The following NCOA2 variants were observed in gnomAD, a reference collection of about 807,000 sequenced individuals.
NCOA2 encodes nuclear receptor coactivator 2, also known as class E basic helix-loop-helix protein 75.
Under a neutral mutation model 145.1 loss-of-function variants are expected in NCOA2, and 21 were observed. The ratio of observed to expected loss-of-function variants is 0.14; its 90% CI spans 0.10 to 0.21. NCOA2 has a LOEUF of 0.21. Among genes scored for constraint, NCOA2 ranks in the 10% least tolerant of loss-of-function variants. The pLI is 1.00. For synonymous variants in NCOA2, 619 were observed against 637.5 expected (o/e 0.97, Z 0.44); for missense variants, 1,472 against 1,837.6 (o/e 0.80, Z 3.64).
intron 1 of NCOA2, among the ~76,000 whole-genome samples, chr8:70,402,742 G>A (rs1234546422): frequency 1.3e-5 from 2 of 151,888 alleles, no homozygotes; most frequent in African/African-American, 4.8e-5. Context: ...AGGGGGCGCT[G>A]GCGAGCCAAC....
At chr8:70,252,069 T>C (rs554343450) in intron 2 of NCOA2, among the ~76,000 whole-genome samples, 1 of 152,362 alleles carries the variant, frequency 6.6e-6, no homozygotes, top group East Asian at 1.9e-4. Flanking sequence ...AATTGTTATA[T>C]TGTGTTTTTA....
chr8:70,121,445 C>A, intron 21 of NCOA2, 54 bp from the exon 22 acceptor site: 1 of 1,417,056 alleles, frequency 7.1e-7, no homozygotes, highest in Non-Finnish European at 9.9e-7. Context: ...TCCAAGAGTG[C>A]ACTGGAAAAC....
chr8:70,170,867 C>G (rs1026118629), intron 5 of NCOA2, among the ~76,000 whole-genome samples: 1 of 152,124 alleles, frequency 6.6e-6, no homozygotes, highest in African/African-American at 2.4e-5. Flanking sequence ...TGAATTTTAC[C>G]ACCTAGCTGT....
At chr8:70,159,244 T>TATATATATATATATATATATATATATATA in intron 10 of NCOA2, among the ~76,000 whole-genome samples, 101 of 69,268 alleles carry the variant, frequency 1.5e-3, no homozygotes, top group Middle Eastern at 7.7e-3. Flanking sequence ...ATATATATAT[T>TATATATATATATATATATATATATATATA]TTTTTTTTTT....
intron 1 of NCOA2, among the ~76,000 whole-genome samples, chr8:70,297,022 T>A (rs574562535): frequency 1.3e-5 from 2 of 152,360 alleles, no homozygotes; most frequent in African/African-American, 4.8e-5. Context: ...GTAAAATATA[T>A]AAGGCTGCAT....
intron 4 of NCOA2, among the ~76,000 whole-genome samples, chr8:70,177,215 T>C (rs970636699): frequency 4.6e-5 from 7 of 152,190 alleles, no homozygotes; most frequent in African/African-American, 1.7e-4. Flanking sequence ...TCTATCAGAA[T>C]GTGCAGTGGG....
intron 9 of NCOA2, among the ~76,000 whole-genome samples, chr8:70,160,714 T>A (rs1053986977): frequency 2.1e-5 from 2 of 93,590 alleles, no homozygotes; most frequent in African/African-American, 8.2e-5. Flanking sequence ...TGACATATAA[T>A]GTGGATTCTA....
In NCOA2 at chr8:70,385,500, C is replaced by T. The variant is rs1010990047; in HGVS notation, c.-77+18200G>A. On this transcript the variant is annotated intron_variant, in intron 1 of 22. Coordinates refer to ENST00000452400, the MANE Select transcript of NCOA2 (RefSeq NM_006540.4). ...CTAGAGTGCAGTGGTGTCATCATAG[C>T]TCACTGCAGCCACAACTCCTGGCTC... Among the ~76,000 whole-genome samples the T allele has an allele frequency of 3.9e-5, 6 of 152,284 alleles. No individual in the cohort carries two copies. In the South Asian group the frequency reaches 1.2e-3, roughly 32 times the overall value.
chr8:70,353,500 G>A (rs946221162), intron 1 of NCOA2, among the ~76,000 whole-genome samples: 5 of 147,962 alleles, frequency 3.4e-5, no homozygotes, highest in African/African-American at 1.3e-4. Flanking sequence ...TGGAAAGACA[G>A]AAGAGACCTT....
At chr8:70,162,341 A>AG (rs1813121343) in intron 9 of NCOA2, among the ~76,000 whole-genome samples, 1 of 152,180 alleles carries the variant, frequency 6.6e-6, no homozygotes, top group African/African-American at 2.4e-5. Context: ...TACCTTCACC[A>AG]GGGGTTCACT....
At chr8:70,302,106 C>T (rs1173753041) in intron 1 of NCOA2, among the ~76,000 whole-genome samples, 4 of 151,952 alleles carry the variant, frequency 2.6e-5, no homozygotes, top group South Asian at 2.1e-4. Context: ...CATACTTTCA[C>T]GACTTACCTT....
chr8:70,307,220 C>CAAAAAAAAAAAAAAAAAAAAAAAA (rs57161747), intron 1 of NCOA2, among the ~76,000 whole-genome samples: 2 of 71,642 alleles, frequency 2.8e-5, no homozygotes, highest in African/African-American at 8.9e-5. Flanking sequence ...CCTACATAAG[C>CAAAAAAAAAAAAAAAAAAAAAAAA]AAAAAAAAAA....
intron 1 of NCOA2, among the ~76,000 whole-genome samples, chr8:70,375,618 G>C (rs2131328213): frequency 6.6e-6 from 1 of 152,226 alleles, no homozygotes; most frequent in South Asian, 2.1e-4. Flanking sequence ...TGTTGCTACT[G>C]GTGCTCAGTC....
At chr8:70,324,391 C>T (rs1806370830) in intron 1 of NCOA2, among the ~76,000 whole-genome samples, 1 of 152,108 alleles carries the variant, frequency 6.6e-6, no homozygotes, top group Admixed American at 6.6e-5. Context: ...GGCTGCAGTG[C>T]AGTGATGTGA....
intron 1 of NCOA2, among the ~76,000 whole-genome samples, chr8:70,367,218 T>TA (rs1019708153): frequency 6.6e-6 from 1 of 152,226 alleles, no homozygotes; most frequent in Admixed American, 6.5e-5. Context: ...TACAAACTCC[T>TA]AAGACTGTTC....
At chr8:70,136,539 GATGA>G in intron 15 of NCOA2, among the ~76,000 whole-genome samples, 1 of 136,684 alleles carries the variant, frequency 7.3e-6, no homozygotes, top group East Asian at 2.3e-4. Flanking sequence ...TTATATACCA[GATGA>G]ATGAAGGAAA....
chr8:70,144,992 G>C lies in NCOA2; in HGVS notation c.2606-144C>G, dbSNP rs73687611. 0.018 allele frequency: 12,191 copies of C among 683,180 alleles called. 1,114 individuals are homozygous for C. The African/African-American group carries it at 0.2, about 11-fold the overall frequency. 42.3% of individuals were successfully genotyped at this position (683,180 alleles called of 1,614,324 possible). A position where few individuals can be genotyped will look rare whatever the true frequency, so the allele number is the denominator to read the frequency against. On this transcript the variant is annotated intron_variant, in intron 12 of 22. Coordinates refer to ENST00000452400, the MANE Select transcript of NCOA2 (RefSeq NM_006540.4). ...TACCTAGATAAAAGACAAAATCACAGACAAAAAACACATGCAGCACCCCAA... is the reference window on the plus strand; with the variant it reads ...TACCTAGATAAAAGACAAAATCACACACAAAAAACACATGCAGCACCCCAA...
intron 2 of NCOA2, among the ~76,000 whole-genome samples, chr8:70,267,405 T>C (rs1473379707): frequency 1.4e-5 from 2 of 147,342 alleles, no homozygotes; most frequent in Non-Finnish European, 3.0e-5. Flanking sequence ...TTTTTTTTTT[T>C]TTTTTTTCCT....
At chr8:70,442,180 A>G in the NCOA2 span, among the ~76,000 whole-genome samples, 767 of 144,794 alleles carry the variant, frequency 5.3e-3, 8 homozygotes, top group African/African-American at 0.018. Flanking sequence ...GCTGACTCTC[A>G]GGTCTTTAGG....
Sources: gnomAD v4.1 joint callset for allele counts (sites outside exome capture counted in the v4.1 genomes callset) on GRCh38, gnomAD v4.1.1 for gene constraint, MANE v1.5 for transcripts, NCBI Gene and HGNC (gene_info 2026-07-23, HGNC 2026-07-21) for gene names.